LTBP3: variants seen among roughly 807,000 people sequenced by gnomAD.
LTBP3 encodes the protein latent-transforming growth factor beta-binding protein 3.
LTBP3 carries 97 observed loss-of-function variants against 159.7 expected under a neutral mutation model. That is an observed-to-expected ratio of 0.61 (90% CI 0.52 to 0.72). The LOEUF (loss-of-function observed/expected upper bound fraction) is 0.72, where lower values mean the gene tolerates loss of function less well. Among genes scored for constraint, LTBP3 ranks in the 30% least tolerant of loss-of-function variants. LTBP3 has a pLI of 0.00. For missense variants in LTBP3, 1,584 were observed against 1,864.3 expected (o/e 0.85, Z 2.77); for synonymous variants, 824 against 777.1 (o/e 1.06, Z -1.00).
At chr11:65,541,368 G>A (rs992590330) in intron 19 of LTBP3, 75 bp from the exon 20 acceptor site, 15 of 1,556,586 alleles carry the variant, frequency 9.6e-6, no homozygotes, top group Non-Finnish European at 1.3e-5. Context: ...CCCACCACAG[G>A]TCTTTCCCCC....
At chr11:65,540,849 G>C in intron 21 of LTBP3, 22 bp downstream of exon 21, 1 of 1,601,496 alleles carries the variant, frequency 6.2e-7, no homozygotes, top group East Asian at 2.2e-5. Context: ...GCGCGGGGCG[G>C]GCGGAGCCGC....
chr11:65,551,011 C>T (rs1856588995), intron 11 of LTBP3, 115 bp downstream of exon 11: 3 of 885,712 alleles, frequency 3.4e-6, no homozygotes, highest in Non-Finnish European at 5.4e-6. Context: ...AGTGCCCAGC[C>T]CTGGATACAC....
chr11:65,553,258 T>C lies in LTBP3; in HGVS notation c.971-2A>G. The C allele has an allele frequency of 6.2e-7, 1 of 1,613,164 alleles. No homozygotes were observed. Among genetic ancestry groups the C allele is most frequent in the East Asian group, 2.2e-5 (1 of 44,876 alleles). The stretch of plus-strand genomic sequence containing the variant: ...GCCCTGGCTTCTGCACTCCTGTGTC[T>C]GCAGAGAGAGGATAGCTTGGCAGGG... On this transcript the variant is annotated splice_acceptor_variant, in intron 4 of 27. Coordinates refer to ENST00000301873, the MANE Select transcript of LTBP3 (RefSeq NM_001130144.3). LOFTEE classifies it high-confidence loss of function. The surrounding 1 kb of genome is among the most constrained non-coding windows in gnomAD (Gnocchi z 6.5).
In LTBP3 at chr11:65,558,225, C is replaced by A. The variant is rs1387843496; in HGVS notation, c.-266G>T. On this transcript the variant is annotated 5_prime_UTR_variant, in exon 1 of 28. Coordinates refer to ENST00000301873, the MANE Select transcript of LTBP3 (RefSeq NM_001130144.3). ...TCAGGCAGGAGCGAGGAGGCCGGAG[C>A]AAGTTGAGGCGGAGAGGAGGAGCGA... The A allele has an allele frequency of 9.5e-7, 1 of 1,049,774 alleles. No individual in the cohort carries two copies. Among genetic ancestry groups the A allele is most frequent in the Non-Finnish European group, 1.1e-6 (1 of 869,800 alleles). 65.0% of individuals were successfully genotyped at this position (1,049,774 alleles called of 1,614,324 possible).
rs1301710092 is a variant in LTBP3, at chr11:65,552,913, C to T, written c.1133G>A (p.Arg378His). Reference sequence around the variant, plus strand: ...ACTATGGCCAGGTGGGCAGACACAGCGATAGGAGCCAGGGTTGTTGAGGCA... The same window carrying T: ...ACTATGGCCAGGTGGGCAGACACAGTGATAGGAGCCAGGGTTGTTGAGGCA... Reference protein sequence around the residue: ...GDCLNNPGSYRCVCPPGHSLG... With the variant: ...GDCLNNPGSYHCVCPPGHSLG... The change falls in exon 6 of 28, where the codon CGC becomes CAC. Residue 378 changes from arginine to histidine, a missense_variant. By Grantham distance (29) the Arg-to-His change is conservative. This residue lies in a region of LTBP3 where 156 missense variants were observed against 259.7 expected (regional missense o/e 0.60). Coordinates refer to ENST00000301873, the MANE Select transcript of LTBP3 (RefSeq NM_001130144.3). This position sits in a 1 kb window ranked among gnomAD's most constrained non-coding sequence, Gnocchi z 6.0. The T allele has an allele frequency of 1.9e-6, 3 of 1,614,196 alleles. No homozygotes were observed. The highest frequency in any genetic ancestry group is 1.7e-6 in the Non-Finnish European group (2 of 1,180,008).
At chr11:65,549,789 C>T (rs754609787) in intron 11 of LTBP3, among the ~76,000 whole-genome samples, 9 of 145,160 alleles carry the variant, frequency 6.2e-5, no homozygotes, top group Admixed American at 2.8e-4. Flanking sequence ...AGCATGGTGG[C>T]GCACACCTGT....
rs1413626717 is a variant in LTBP3, at chr11:65,543,094, G to A, written c.2596+11C>T. 1 of 1,613,828 alleles carries A rather than the reference G, an allele frequency of 6.2e-7. No individual in the cohort carries two copies. The highest frequency in any genetic ancestry group is 8.5e-7 in the Non-Finnish European group (1 of 1,179,928). On this transcript the variant is annotated intron_variant, in intron 18 of 27. Coordinates refer to ENST00000301873, the MANE Select transcript of LTBP3 (RefSeq NM_001130144.3). The stretch of plus-strand genomic sequence containing the variant: ...CACATCCCTCAGGAACCCTCAGCCA[G>A]TCCCCCATACCTTGGCATTTCCTGC...
chr11:65,553,923 C>T lies in LTBP3; in HGVS notation c.662-20G>A, dbSNP rs1590786100. The T allele has an allele frequency of 6.6e-7, 1 of 1,518,774 alleles. No individual in the cohort carries two copies. The highest frequency in any genetic ancestry group is 8.8e-7 in the Non-Finnish European group (1 of 1,132,294). 94.1% of individuals were successfully genotyped at this position (1,518,774 alleles called of 1,614,324 possible). ...CCTGCACTGGGGGCGGGCGCGGTGG[C>T]CTCAGGGCTGCCCGCACCGCGCCGC... is the stretch of plus-strand genomic sequence containing the variant. On this transcript the variant is annotated intron_variant, in intron 2 of 27. Coordinates refer to ENST00000301873, the MANE Select transcript of LTBP3 (RefSeq NM_001130144.3). The surrounding 1 kb of genome is among the most constrained non-coding windows in gnomAD (Gnocchi z 6.5).
Position 65,546,089 on chromosome 11 carries a change from TC to T in LTBP3, c.2353+352del, listed in dbSNP as rs1207446886. On this transcript the variant is annotated intron_variant, in intron 16 of 27. Transcript: ENST00000301873. This position sits in a 1 kb window ranked among gnomAD's most constrained non-coding sequence, Gnocchi z 4.0. ...AGCACTGCATGCTACAGTCTGTCTT[TC>T]CTTCTCCAGTTTTCAATGAGTCCCA... 3 of 325,766 alleles carry T rather than the reference TC, an allele frequency of 9.2e-6. No individual in the cohort carries two copies. Among genetic ancestry groups the T allele is most frequent in the African/African-American group, 6.7e-5 (3 of 44,534 alleles). 20.2% of individuals were successfully genotyped at this position (325,766 alleles called of 1,614,324 possible). A position where few individuals can be genotyped will look rare whatever the true frequency, so the allele number is the denominator to read the frequency against.
rs148968238 is a variant in LTBP3 at position 65,555,630 on chromosome 11, G to A, written c.332-1250C>T. Among the ~76,000 whole-genome samples, 339 of 152,320 alleles carry A rather than the reference G, an allele frequency of 2.2e-3. 2 individuals are homozygous for A. Among genetic ancestry groups the A allele is most frequent in the African/African-American group, 7.7e-3 (320 of 41,568 alleles). ...AGGGCCAGGCTGGCCTCAGCTCTGG[G>A]TCCCACAGGGGGTTCGGGGGAATGA... On this transcript the variant is annotated intron_variant, in intron 1 of 27. Coordinates refer to ENST00000301873, the MANE Select transcript of LTBP3 (RefSeq NM_001130144.3).
Position 65,551,445 on chromosome 11 carries a change from C to G in LTBP3, c.1578G>C (p.Gln526His). 6.2e-7 allele frequency: 1 copy of G among 1,613,962 alleles called. No individual in the cohort carries two copies. Among genetic ancestry groups the G allele is most frequent in the Non-Finnish European group, 8.5e-7 (1 of 1,180,004 alleles). ...SPVSEERSVQ[Q>H]SHPTATTTPA... ...GAGTCGTGGTGGCAGTTGGGTGGCT[C>G]TGCTGCACTGACCTCTCCTCACTCA... Residue 526 changes from glutamine to histidine, a missense_variant, in exon 10 of 28, where the codon CAG (glutamine) becomes CAC (histidine). Physicochemically the swap from Gln to His is conservative, Grantham distance 24. Coordinates refer to ENST00000301873, the MANE Select transcript of LTBP3 (RefSeq NM_001130144.3).
At position 65,553,912 on chromosome 11, in the gene LTBP3, G is replaced by T; in HGVS notation, c.662-9C>A. 9 of 1,519,502 alleles carry T rather than the reference G, an allele frequency of 5.9e-6. No individual in the cohort carries two copies. The highest frequency in any genetic ancestry group is 7.9e-6 in the Non-Finnish European group (9 of 1,132,934). The allele number at this position is 1,519,502 out of a possible 1,614,324, so 94.1% of individuals were successfully genotyped here. ...GGGGGGCGGGGCCTGCACTGGGGGCGGGCGCGGTGGCCTCAGGGCTGCCCG... is the reference window on the plus strand; with the variant it reads ...GGGGGGCGGGGCCTGCACTGGGGGCTGGCGCGGTGGCCTCAGGGCTGCCCG... On this transcript the variant is annotated splice_polypyrimidine_tract_variant and intron_variant, in intron 2 of 27. Transcript: ENST00000301873. This position sits in a 1 kb window ranked among gnomAD's most constrained non-coding sequence, Gnocchi z 6.5.
chr11:65,546,061 C>T lies in LTBP3; in HGVS notation c.2353+381G>A. ...AGGAAGCAGCCCAGCTCCATCCAGG[C>T]CCAGCACTGCATGCTACAGTCTGTC... is the stretch of plus-strand genomic sequence containing the variant. On this transcript the variant is annotated intron_variant, in intron 16 of 27. Coordinates refer to ENST00000301873, the MANE Select transcript of LTBP3 (RefSeq NM_001130144.3). The surrounding 1 kb of genome is among the most constrained non-coding windows in gnomAD (Gnocchi z 4.0). 3.7e-6 allele frequency: 1 copy of T among 273,872 alleles called. No individual in the cohort carries two copies. Among genetic ancestry groups the T allele is most frequent in the Non-Finnish European group, 7.0e-6 (1 of 142,244 alleles). 17.0% of individuals were successfully genotyped at this position (273,872 alleles called of 1,614,324 possible).
In LTBP3 at chr11:65,558,229, T is replaced by C; in HGVS notation, c.-270A>G. 2.9e-6 allele frequency: 3 copies of C among 1,046,730 alleles called. No individual in the cohort carries two copies. Among genetic ancestry groups the C allele is most frequent in the Non-Finnish European group, 3.5e-6 (3 of 867,724 alleles). 64.8% of individuals were successfully genotyped at this position (1,046,730 alleles called of 1,614,324 possible). ...GCAGGAGCGAGGAGGCCGGAGCAAG[T>C]TGAGGCGGAGAGGAGGAGCGAGGGA... On this transcript the variant is annotated 5_prime_UTR_variant, in exon 1 of 28. Transcript: ENST00000301873.
In LTBP3 at chr11:65,552,391, T is replaced by C; in HGVS notation, c.1202A>G (p.Glu401Gly). 6.2e-7 allele frequency: 1 copy of C among 1,613,402 alleles called. No individual in the cohort carries two copies. The highest frequency in any genetic ancestry group is 8.5e-7 in the Non-Finnish European group (1 of 1,179,848). The change falls in exon 7 of 28, where the codon GAG (glutamate) becomes GGG (glycine). Residue 401 changes from glutamate (E) to glycine (G), a missense_variant. Transcript: ENST00000301873. This position sits in a 1 kb window ranked among gnomAD's most constrained non-coding sequence, Gnocchi z 6.0. ...RTQCIADKPE[E>G]KSLCFRLVSP... ...CACCAGGCGGAAACACAGGCTCTTC[T>C]CCTCCGGTTTGTCTGCTGCAGGGGC...
Position 65,551,215 on chromosome 11 carries a change from G to C in LTBP3, c.1631C>G (p.Ser544Cys). 6.5e-7 allele frequency: 1 copy of C among 1,547,858 alleles called. No homozygotes were observed. Among genetic ancestry groups the C allele is most frequent in the Non-Finnish European group, 8.7e-7 (1 of 1,147,562 alleles). Residue 544 changes from serine (S) to cysteine (C), a missense_variant, in exon 11 of 28, where the codon TCC (serine) becomes TGC (cysteine). Physicochemically the swap from Ser to Cys is moderately radical, Grantham distance 112. Transcript: ENST00000301873. ...GCGCATGGTCGGGGGCGAGGGACGG[G>C]AGATCAGCTCTGCGGGCGGCAGTGC... ...TPARPYPELI[S>C]RPSPPTMRWF... is the part of the protein sequence containing the mutation.
intron 8 of LTBP3, 31 bp from the exon 9 acceptor site, chr11:65,551,595 G>A (rs201951431): frequency 6.2e-7 from 1 of 1,613,860 alleles, no homozygotes; most frequent in South Asian, 1.1e-5. Flanking sequence ...GCCATGAAGT[G>A]TTGGGGCGGG....
Position 65,540,703 on chromosome 11 carries a change from C to CGGGCGAGGCCTACAGGAG in LTBP3, c.2978-90_2978-89insCTCCTGTAGGCCTCGCCC, listed in dbSNP as rs1856080091. On this transcript the variant is annotated intron_variant, in intron 21 of 27. Coordinates refer to ENST00000301873, the MANE Select transcript of LTBP3 (RefSeq NM_001130144.3). ...CGCACCACCGGAGCGAAGCCATCCC[C>CGGGCGAGGCCTACAGGAG]GGGCGGGGCCTACAGGAGGGGCGGG... is the stretch of plus-strand genomic sequence containing the variant. 4 of 1,244,220 alleles carry CGGGCGAGGCCTACAGGAG rather than the reference C, an allele frequency of 3.2e-6. No individual in the cohort carries two copies. The South Asian group carries it at 5.1e-5, about 16-fold the overall frequency. The allele number at this position is 1,244,220 out of a possible 1,614,324, so 77.1% of individuals were successfully genotyped here. A position where few individuals can be genotyped will look rare whatever the true frequency, so the allele number is the denominator to read the frequency against.
chr11:65,539,871 C>A lies in LTBP3; in HGVS notation c.3396G>T (p.Pro1132=), dbSNP rs1036873338. ...QLPESPAERA[P]ERRDVCWSQR... is the part of the protein sequence containing the mutation. ...GGCTCCAGCACACGTCGCGCCGCTC[C>A]GGGGCACGCTCTGCGGAAGACACCT... The change falls in exon 25 of 28, where the codon CCG becomes CCT. Residue 1132 remains proline (P), a synonymous_variant. Transcript: ENST00000301873. 2.0e-6 allele frequency: 3 copies of A among 1,514,872 alleles called. No homozygotes were observed. The African/African-American group carries it at 4.3e-5, about 22-fold the overall frequency. The allele number at this position is 1,514,872 out of a possible 1,614,324, so 93.8% of individuals were successfully genotyped here. A position where few individuals can be genotyped will look rare whatever the true frequency, so the allele number is the denominator to read the frequency against.
Sources: gnomAD v4.1 joint callset for allele counts (sites outside exome capture counted in the v4.1 genomes callset) on GRCh38, gnomAD v4.1.1 for gene constraint, gnomAD v4.1.1 regional missense constraint, Gnocchi (gnomAD v3.1) non-coding constraint, MANE v1.5 for transcripts, NCBI Gene and HGNC (gene_info 2026-07-23, HGNC 2026-07-21) for gene names.